SRCIN1: variants seen among roughly 807,000 people sequenced by gnomAD.
SRCIN1 encodes the protein P130Cas-associated protein.
Under a neutral mutation model 116.2 loss-of-function variants are expected in SRCIN1, and 50 were observed. That is an observed-to-expected ratio of 0.43 (90% confidence interval 0.34 to 0.54). The LOEUF is 0.54. Among genes scored for constraint, SRCIN1 ranks in the 20% least tolerant of loss-of-function variants. SRCIN1 has a pLI of 0.02. For synonymous variants in SRCIN1, 736 were observed against 750.0 expected (o/e 0.98, Z 0.30); for missense variants, 1,446 against 1,672.0 (o/e 0.86, Z 2.36).
chr17:38,550,060 A>G (rs747794988), intron 15 of SRCIN1, among the ~76,000 whole-genome samples: 1 of 152,216 alleles, frequency 6.6e-6, no homozygotes, highest in Non-Finnish European at 1.5e-5. Flanking sequence ...CACCTCTGCT[A>G]TTACATTTAG....
Position 38,552,060 on chromosome 17 carries a change from C to T in SRCIN1, c.2553G>A (p.Glu851=). 6.2e-7 allele frequency: 1 copy of T among 1,613,716 alleles called. No individual in the cohort carries two copies. Among genetic ancestry groups the T allele is most frequent in the African/African-American group, 1.3e-5 (1 of 74,986 alleles). The change falls in exon 14 of 19, where the codon GAG becomes GAA. Residue 851 remains glutamate, a synonymous_variant. Transcript: ENST00000617146. The surrounding 1 kb of genome is among the most constrained non-coding windows in gnomAD (Gnocchi z 5.3). ...LSQSPKKVTA[E]TDFNKSVDFE... ...AGTCCACGCTCTTGTTGAAGTCAGT[C>T]TCTGCCGTCACCTTCTTGGGGGACT... is the stretch of plus-strand genomic sequence containing the variant.
chr17:38,585,089 T>C lies in SRCIN1; in HGVS notation c.23-6298A>G, dbSNP rs1172972738. ...CTGTCACATGTGTGCCCCGACCCAC[T>C]GCCTGGGCAGGGGTAGGAGCTGGGT... On this transcript the variant is annotated intron_variant, in intron 1 of 18. Transcript: ENST00000617146. This position sits in a 1 kb window ranked among gnomAD's most constrained non-coding sequence, Gnocchi z 4.2. 6.6e-6 allele frequency among the ~76,000 whole-genome samples: 1 copy of C among 152,130 alleles called. No homozygotes were observed. Among genetic ancestry groups the C allele is most frequent in the Non-Finnish European group, 1.5e-5 (1 of 68,022 alleles).
chr17:38,539,211 A>C lies in SRCIN1; in HGVS notation c.3417+4612T>G, dbSNP rs185240373. Among the ~76,000 whole-genome samples the C allele has an allele frequency of 2.2e-3, 333 of 152,218 alleles. 1 individual carries two copies. The highest frequency in any genetic ancestry group is 7.1e-3 in the South Asian group (34 of 4,818). On this transcript the variant is annotated intron_variant, in intron 18 of 18. Transcript: ENST00000617146. Reference sequence around the variant, plus strand: ...TTTACTTTAAGGTATAAAGTTGTAAACTTGGTACCTAACAGGTATGCTATC... The same window carrying C: ...TTTACTTTAAGGTATAAAGTTGTAACCTTGGTACCTAACAGGTATGCTATC...
At chr17:38,573,745 C>T (rs1907239913) in intron 2 of SRCIN1, among the ~76,000 whole-genome samples, 1 of 152,258 alleles carries the variant, frequency 6.6e-6, no homozygotes, top group Non-Finnish European at 1.5e-5. Flanking sequence ...TGTCCTATCA[C>T]CATCCCTGTC....
Position 38,552,254 on chromosome 17 carries a change from G to A in SRCIN1, c.2481-122C>T. 1.4e-6 allele frequency: 2 copies of A among 1,460,966 alleles called. No individual in the cohort carries two copies. Among genetic ancestry groups the A allele is most frequent in the Non-Finnish European group, 1.8e-6 (2 of 1,087,244 alleles). 90.5% of individuals were successfully genotyped at this position (1,460,966 alleles called of 1,614,324 possible). ...CTGGGATGCTGTGGGAGGGCCTGGG[G>A]AGGAGTGACTGCCCCTGGTATAAGA... On this transcript the variant is annotated intron_variant, in intron 13 of 18. Coordinates refer to ENST00000617146, the MANE Select transcript of SRCIN1 (RefSeq NM_025248.3). The surrounding 1 kb of genome is among the most constrained non-coding windows in gnomAD (Gnocchi z 5.3).
rs986730418 is a variant in SRCIN1, at chr17:38,604,858, TCA to T, written c.22+824_22+825del. 2.8e-5 allele frequency among the ~76,000 whole-genome samples: 4 copies of T among 140,386 alleles called. No individual in the cohort carries two copies. The highest frequency in any genetic ancestry group is 1.1e-4 in the African/African-American group (4 of 37,216). The allele number at this position is 140,386 out of a possible 152,430, so 92.1% of individuals were successfully genotyped here. A position where few individuals can be genotyped will look rare whatever the true frequency, so the allele number is the denominator to read the frequency against. The stretch of plus-strand genomic sequence containing the variant: ...TCAGCCGCCTGCCTTCCCTATCTTC[TCA>T]CTCACCCTAGATGCCCTCCCCAGCT... On this transcript the variant is annotated intron_variant, in intron 1 of 18. Transcript: ENST00000617146. The surrounding 1 kb of genome is among the most constrained non-coding windows in gnomAD (Gnocchi z 4.3).
chr17:38,584,463 T>A (rs541561524), intron 1 of SRCIN1, among the ~76,000 whole-genome samples: 18 of 152,266 alleles, frequency 1.2e-4, no homozygotes, highest in Admixed American at 9.8e-4. Flanking sequence ...CAGCTCAGCC[T>A]GCCCCGCCTG....
intron 1 of SRCIN1, among the ~76,000 whole-genome samples, chr17:38,599,015 G>A (rs116918485): frequency 1.9e-4 from 29 of 152,104 alleles, no homozygotes; most frequent in Non-Finnish European, 2.9e-4. Context: ...GTGTGTGTAC[G>A]TACGTGTGTG....
In SRCIN1 at chr17:38,561,843, G is replaced by T; in HGVS notation, c.1320C>A (p.Ala440=). 1 of 1,476,538 alleles carries T rather than the reference G, an allele frequency of 6.8e-7. No homozygotes were observed. The highest frequency in any genetic ancestry group is 8.9e-7 in the Non-Finnish European group (1 of 1,123,656). The allele number at this position is 1,476,538 out of a possible 1,614,324, so 91.5% of individuals were successfully genotyped here. A position where few individuals can be genotyped will look rare whatever the true frequency, so the allele number is the denominator to read the frequency against. Residue 440 remains alanine (A), a synonymous_variant, in exon 7 of 19, where the codon GCC becomes GCA. Coordinates refer to ENST00000617146, the MANE Select transcript of SRCIN1 (RefSeq NM_025248.3). The stretch of plus-strand genomic sequence containing the variant: ...CCTCCAGATCGGACTGCAGCGCGGC[G>T]GCCGAGTAGGTGCTGAGCGAGCGCA... ...GSVRSLSTYS[A]AALQSDLEDS...
chr17:38,564,224 C>A lies in SRCIN1; in HGVS notation c.435G>T (p.Glu145Asp). ...KLSYASAESL[E>D]TMSEAELPLG... ...GGGGCAGCTCGGCCTCCGACATGGT[C>A]TCCAGCGACTCGGCGGAGGCGTAGG... is the stretch of plus-strand genomic sequence containing the variant. The change falls in exon 4 of 19, where the codon GAG becomes GAT. Residue 145 changes from glutamate (E) to aspartate (D), a missense_variant. By Grantham distance (45) the Glu-to-Asp change is conservative (BLOSUM62 2). Transcript: ENST00000617146. 6.3e-7 allele frequency: 1 copy of A among 1,581,912 alleles called. No individual in the cohort carries two copies. The highest frequency in any genetic ancestry group is 8.6e-7 in the Non-Finnish European group (1 of 1,165,336).
chr17:38,536,396 G>A (rs1904381577), intron 18 of SRCIN1, among the ~76,000 whole-genome samples: 1 of 152,188 alleles, frequency 6.6e-6, no homozygotes, highest in Non-Finnish European at 1.5e-5. Flanking sequence ...GCAGAACTTT[G>A]TTACCTTCGT....
chr17:38,558,150 C>T lies in SRCIN1; in HGVS notation c.2201+77G>A, dbSNP rs779758244. Reference sequence around the variant, plus strand: ...CTGTGACTCAGAGGGAAGGGAGCTGCGCCTCCCAGGGAAACCAGGTTGCGG... The same window carrying T: ...CTGTGACTCAGAGGGAAGGGAGCTGTGCCTCCCAGGGAAACCAGGTTGCGG... On this transcript the variant is annotated intron_variant, in intron 11 of 18. Coordinates refer to ENST00000617146, the MANE Select transcript of SRCIN1 (RefSeq NM_025248.3). This position sits in a 1 kb window ranked among gnomAD's most constrained non-coding sequence, Gnocchi z 4.6. 2 of 1,526,404 alleles carry T rather than the reference C, an allele frequency of 1.3e-6. No homozygotes were observed. The highest frequency in any genetic ancestry group is 1.8e-5 in the Admixed American group (1 of 56,260). 94.6% of individuals were successfully genotyped at this position (1,526,404 alleles called of 1,614,324 possible).
intron 15 of SRCIN1, among the ~76,000 whole-genome samples, chr17:38,550,389 G>A (rs1376679804): frequency 6.6e-6 from 1 of 152,164 alleles, no homozygotes; most frequent in Non-Finnish European, 1.5e-5. Flanking sequence ...AGCTACTCGG[G>A]AGGCTGAGGC....
At chr17:38,595,452 A>G (rs1015442113) in intron 1 of SRCIN1, among the ~76,000 whole-genome samples, 2 of 152,178 alleles carry the variant, frequency 1.3e-5, no homozygotes, top group African/African-American at 4.8e-5. Flanking sequence ...TCCTGACCTC[A>G]TGATCCGCCT....
chr17:38,588,059 A>C (rs1485519751), intron 1 of SRCIN1, among the ~76,000 whole-genome samples: 3 of 66,262 alleles, frequency 4.5e-5, no homozygotes, highest in African/African-American at 3.2e-4. Context: ...TTGCTTTAAC[A>C]AAAAAAAAAA....
chr17:38,566,529 G>T (rs1174564670), intron 3 of SRCIN1, among the ~76,000 whole-genome samples: 1 of 152,200 alleles, frequency 6.6e-6, no homozygotes, highest in African/African-American at 2.4e-5. Flanking sequence ...ACCATGGGAG[G>T]TAGAGAGCGC....
Position 38,533,422 on chromosome 17 carries a change from G to A in SRCIN1, c.3427C>T (p.Pro1143Ser), listed in dbSNP as rs751185184. The change falls in exon 19 of 19, where the codon CCA becomes TCA. Residue 1143 changes from proline (P) to serine (S), a missense_variant. Pro to Ser is a moderately conservative substitution (Grantham distance 74). This residue lies in a region of SRCIN1 where 531 missense variants were observed against 633.9 expected (regional missense o/e 0.84). Coordinates refer to ENST00000617146, the MANE Select transcript of SRCIN1 (RefSeq NM_025248.3). ...RIQAQQQATK[P>S]SKEMSGSNET... is the part of the protein sequence containing the mutation. ...TTCGACCCGCTCATCTCTTTAGATG[G>A]TTTAGTGGCCTGGAACAAAAACAGG... The A allele has an allele frequency of 4.3e-6, 7 of 1,612,976 alleles. No individual in the cohort carries two copies. The highest frequency in any genetic ancestry group is 3.4e-6 in the Non-Finnish European group (4 of 1,179,624).
At chr17:38,550,554 A>G (rs1905327466) in intron 15 of SRCIN1, among the ~76,000 whole-genome samples, 1 of 152,188 alleles carries the variant, frequency 6.6e-6, no homozygotes, top group South Asian at 2.1e-4. Flanking sequence ...AGTAAAAGCA[A>G]TGGAACAGTT....
chr17:38,561,919 C>T lies in SRCIN1; in HGVS notation c.1244G>A (p.Gly415Asp), dbSNP rs1446228134. 4 of 1,447,346 alleles carry T rather than the reference C, an allele frequency of 2.8e-6. No homozygotes were observed. The highest frequency in any genetic ancestry group is 3.6e-6 in the Non-Finnish European group (4 of 1,115,006). 89.7% of individuals were successfully genotyped at this position (1,447,346 alleles called of 1,614,324 possible). ...EGRLSLAAAAGDPFAYPGAGG... is the reference protein window; with the variant it reads ...EGRLSLAAAADDPFAYPGAGG... ...GGCGCCCGGGTAGGCGAACGGGTCG[C>T]CGGCGGCCGCGGCCAGGCTCAGACG... The change falls in exon 7 of 19, where the codon GGC becomes GAC. Residue 415 changes from glycine to aspartate, a missense_variant. Around this residue, in one of 5 missense-constraint regions of SRCIN1, gnomAD observed 239 missense variants for 317.7 expected, o/e 0.75. Transcript: ENST00000617146.
Sources: allele counts gnomAD v4.1 joint callset (sites outside exome capture counted in the v4.1 genomes callset), GRCh38; gene constraint gnomAD v4.1.1; regional missense constraint gnomAD v4.1.1; non-coding constraint Gnocchi (gnomAD v3.1); transcripts MANE v1.5; gene names NCBI Gene and HGNC (gene_info 2026-07-23, HGNC 2026-07-21).